Variants in DTNBP1 observed in about 807,000 individuals in gnomAD.
DTNBP1 encodes dystrobrevin binding protein 1.
In DTNBP1, 35 loss-of-function variants were observed where a neutral mutation model predicts 42.8. That is an observed-to-expected ratio of 0.82 (90% CI 0.63 to 1.09). DTNBP1 has a LOEUF of 1.09. Among genes scored for constraint, DTNBP1 ranks in the 50% least tolerant of loss-of-function variants. DTNBP1 has a pLI of 0.00. For synonymous variants in DTNBP1, 171 were observed against 162.2 expected (o/e 1.05, Z -0.41); for missense variants, 457 against 424.2 (o/e 1.08, Z -0.68).
In DTNBP1 at chr6:15,651,366, G is replaced by A; in HGVS notation, c.111-3C>T. 2 of 1,609,656 alleles carry A rather than the reference G, an allele frequency of 1.2e-6. No homozygotes were observed. Among genetic ancestry groups the A allele is most frequent in the Non-Finnish European group, 1.7e-6 (2 of 1,179,330 alleles). ...ACTTTGGCAAAAATGGAACAGTCCT[G>A]CCCAAAAGAAACACTTATTAAAACT... On this transcript the variant is annotated splice_region_variant and splice_polypyrimidine_tract_variant and intron_variant, in intron 2 of 9. Coordinates refer to ENST00000344537, the MANE Select transcript of DTNBP1 (RefSeq NM_032122.5).
chr6:15,655,855 ATTTTTATTT>A, intron 1 of DTNBP1, among the ~76,000 whole-genome samples: 3 of 151,980 alleles, frequency 2.0e-5, no homozygotes, highest in Admixed American at 2.0e-4. Flanking sequence ...TTAGCCCACT[ATTTTTATTT>A]TAGGATAACT....
chr6:15,662,324 C>T (rs1347844572), intron 1 of DTNBP1, among the ~76,000 whole-genome samples: 2 of 152,224 alleles, frequency 1.3e-5, no homozygotes, highest in Admixed American at 6.5e-5. Flanking sequence ...CGAGACGCGG[C>T]GCGGAAGGCT....
intron 6 of DTNBP1, among the ~76,000 whole-genome samples, chr6:15,609,381 G>A (rs1241156628): frequency 6.6e-6 from 1 of 151,440 alleles, no homozygotes; most frequent in East Asian, 1.9e-4. Context: ...GTGCAGTGGT[G>A]CAATCTCGGC....
In DTNBP1 at chr6:15,593,043, A is replaced by T. The variant is rs187065914; in HGVS notation, c.511+16T>A. 365 of 1,587,166 alleles carry T rather than the reference A, an allele frequency of 2.3e-4. 4 individuals carry two copies. The East Asian group carries it at 6.5e-3, about 28-fold the overall frequency. ...ACTCTCAACTACTTTAAAGTGAAGA[A>T]TTAACACAAAATTACCTTTGAAGGT... On this transcript the variant is annotated intron_variant, in intron 7 of 9. Transcript: ENST00000344537.
At chr6:15,651,461 A>G in intron 2 of DTNBP1, 98 bp from the exon 3 acceptor site, 3 of 1,474,086 alleles carry the variant, frequency 2.0e-6, no homozygotes, top group Non-Finnish European at 2.8e-6. Context: ...CAATTGTAAT[A>G]TATTTTAAAA....
intron 1 of DTNBP1, among the ~76,000 whole-genome samples, chr6:15,657,147 T>C (rs74781889): frequency 3.5e-4 from 54 of 152,316 alleles, no homozygotes; most frequent in African/African-American, 1.3e-3. Context: ...AAGATGAATT[T>C]AGACTATCTA....
intron 9 of DTNBP1, 130 bp from the exon 10 acceptor site, chr6:15,523,349 G>A (rs1297764896): frequency 7.3e-6 from 10 of 1,371,008 alleles, no homozygotes; most frequent in Non-Finnish European, 1.0e-5. Flanking sequence ...CCTGGGGCCT[G>A]CAGAACTTGG....
intron 7 of DTNBP1, chr6:15,585,622 C>G (rs989339634): frequency 2.9e-6 from 4 of 1,374,658 alleles, no homozygotes; most frequent in Non-Finnish European, 3.9e-6. Context: ...AATATATCAT[C>G]TGCATACCAT....
chr6:15,558,038 T>C lies in DTNBP1; in HGVS notation c.512-24643A>G, dbSNP rs1429313709. ...TTGGGTTGTATCTATATAAATATATTATTGGTATGTGTTCCAAAAATACTG... is the reference window on the plus strand; with the variant it reads ...TTGGGTTGTATCTATATAAATATATCATTGGTATGTGTTCCAAAAATACTG... On this transcript the variant is annotated intron_variant, in intron 7 of 9. Coordinates refer to ENST00000344537, the MANE Select transcript of DTNBP1 (RefSeq NM_032122.5). Among the ~76,000 whole-genome samples the C allele has an allele frequency of 2.0e-5, 3 of 151,850 alleles. No homozygotes were observed. The East Asian group carries it at 5.8e-4, about 29-fold the overall frequency.
intron 3 of DTNBP1, among the ~76,000 whole-genome samples, chr6:15,648,295 G>T (rs578203231): frequency 6.6e-6 from 1 of 152,116 alleles, no homozygotes; most frequent in Middle Eastern, 3.4e-3. Context: ...AATGTTGAAA[G>T]ACTGAAAGCT....
intron 8 of DTNBP1, among the ~76,000 whole-genome samples, chr6:15,532,002 G>A (rs1428021705): frequency 1.3e-5 from 2 of 152,224 alleles, no homozygotes; most frequent in African/African-American, 4.8e-5. Flanking sequence ...AAACACTCCT[G>A]GGAGATGTGG....
intron 9 of DTNBP1, chr6:15,524,045 G>A (rs554833802): frequency 2.3e-6 from 3 of 1,295,000 alleles, no homozygotes; most frequent in South Asian, 1.2e-5. Flanking sequence ...TTTTGTGAAG[G>A]GATGAAAGGA....
chr6:15,656,705 A>ACC (rs1353024600), intron 1 of DTNBP1, among the ~76,000 whole-genome samples: 2 of 152,132 alleles, frequency 1.3e-5, no homozygotes, highest in African/African-American at 4.8e-5. Flanking sequence ...CCATGAGCAT[A>ACC]CCACAGCACT....
chr6:15,524,379 G>T, intron 9 of DTNBP1, 147 bp downstream of exon 9: 2 of 1,613,944 alleles, frequency 1.2e-6, no homozygotes, highest in African/African-American at 1.3e-5. Context: ...CAGCCGTGTG[G>T]AACCGTGGGG....
intron 4 of DTNBP1, among the ~76,000 whole-genome samples, chr6:15,635,864 T>C (rs1222036635): frequency 2.0e-5 from 3 of 152,234 alleles, no homozygotes; most frequent in Non-Finnish European, 4.4e-5. Flanking sequence ...TAGTGCCTTC[T>C]TCCTTACTCA....
At chr6:15,576,182 T>C (rs1775556827) in intron 7 of DTNBP1, among the ~76,000 whole-genome samples, 1 of 151,812 alleles carries the variant, frequency 6.6e-6, no homozygotes. Context: ...GCAGTGGCAC[T>C]ATCTCGGCTC....
At chr6:15,603,580 G>A (rs1221040932) in intron 6 of DTNBP1, among the ~76,000 whole-genome samples, 2 of 152,126 alleles carry the variant, frequency 1.3e-5, no homozygotes, top group East Asian at 3.9e-4. Flanking sequence ...ACCAGACATT[G>A]TGATTTATCT....
chr6:15,549,649 C>T (rs1774101605), intron 7 of DTNBP1, among the ~76,000 whole-genome samples: 1 of 152,112 alleles, frequency 6.6e-6, no homozygotes, highest in African/African-American at 2.4e-5. Flanking sequence ...AACTCTGGGC[C>T]TCCCCTGTTG....
intron 6 of DTNBP1, among the ~76,000 whole-genome samples, chr6:15,597,254 A>T (rs1776550785): frequency 6.6e-6 from 1 of 152,168 alleles, no homozygotes; most frequent in Admixed American, 6.5e-5. Flanking sequence ...ATTCTCTAGG[A>T]ATAAAGAAGA....
Sources: gnomAD v4.1 joint callset for allele counts (sites outside exome capture counted in the v4.1 genomes callset) on GRCh38, gnomAD v4.1.1 for gene constraint, MANE v1.5 for transcripts, NCBI Gene and HGNC (gene_info 2026-07-23, HGNC 2026-07-21) for gene names.